The following WASF3 variants were observed in gnomAD, a reference collection of about 807,000 sequenced individuals.
WASF3 encodes the protein WASP family member 3.
WASF3 carries 11 observed loss-of-function variants against 46.6 expected under a neutral mutation model. That is an observed-to-expected ratio of 0.24 (90% CI 0.15 to 0.39). The LOEUF is 0.39. WASF3 is among the 10% of genes least tolerant of loss of function. The pLI, the probability that WASF3 is intolerant of heterozygous loss-of-function variation, is 1.00. For missense variants in WASF3, 576 were observed against 669.8 expected (o/e 0.86, Z 1.55); for synonymous variants, 242 against 259.7 (o/e 0.93, Z 0.65).
At chr13:26,543,709 A>G in the WASF3 span, among the ~76,000 whole-genome samples, 1 of 152,162 alleles carries the variant, frequency 6.6e-6, no homozygotes, top group Non-Finnish European at 1.5e-5. Context: ...CATAAGTTCT[A>G]TGGAACCTGC....
chr13:26,576,631 A>G (rs1879805091), intron 1 of WASF3, among the ~76,000 whole-genome samples: 1 of 152,214 alleles, frequency 6.6e-6, no homozygotes, highest in South Asian at 2.1e-4. Context: ...AAAAAGGTCT[A>G]AGTCAGTGGT....
chr13:26,552,489 C>G, the WASF3 span, among the ~76,000 whole-genome samples: 1 of 152,084 alleles, frequency 6.6e-6, no homozygotes, highest in Non-Finnish European at 1.5e-5. Context: ...TTATTTCACT[C>G]TATGTCAAGA....
chr13:26,571,586 T>C (rs1879638856), intron 1 of WASF3, among the ~76,000 whole-genome samples: 1 of 152,200 alleles, frequency 6.6e-6, no homozygotes. Flanking sequence ...TCCATTCCAT[T>C]CTGTTGTTCT....
intron 1 of WASF3, among the ~76,000 whole-genome samples, chr13:26,583,828 C>T (rs747005014): frequency 4.3e-4 from 65 of 152,196 alleles, no homozygotes; most frequent in Non-Finnish European, 7.3e-4. Flanking sequence ...ATAGCTACAG[C>T]AGCGGCAGAT....
intron 3 of WASF3, among the ~76,000 whole-genome samples, chr13:26,663,846 A>G (rs956972616): frequency 2.6e-5 from 4 of 152,202 alleles, no homozygotes; most frequent in Non-Finnish European, 4.4e-5. Flanking sequence ...ATAAAAGCAG[A>G]GAACTAAAAG....
rs994489788 is a variant in WASF3, at chr13:26,682,692, A to G, written c.1069A>G (p.Thr357Ala). ...PPPPVIPSAQ[T>A]AFVSPLQMPM... Reference sequence around the variant, plus strand: ...TCCTCCTGTGATTCCCTCAGCACAAACTGCCTTCGTCAGCCCTCTCCAGAT... The same window carrying G: ...TCCTCCTGTGATTCCCTCAGCACAAGCTGCCTTCGTCAGCCCTCTCCAGAT... The change falls in exon 9 of 10, where the codon ACT (threonine) becomes GCT (alanine). Residue 357 changes from threonine (T) to alanine (A), a missense_variant. By Grantham distance (58) the Thr-to-Ala change is moderately conservative. This residue lies in a region of WASF3 where 295 missense variants were observed against 291.5 expected (regional missense o/e 1.01). Transcript: ENST00000335327. The surrounding 1 kb of genome is among the most constrained non-coding windows in gnomAD (Gnocchi z 4.4). 1.2e-6 allele frequency: 2 copies of G among 1,613,944 alleles called. No individual in the cohort carries two copies. Among genetic ancestry groups the G allele is most frequent in the Non-Finnish European group, 1.7e-6 (2 of 1,179,980 alleles).
chr13:26,539,631 G>A, the WASF3 span, among the ~76,000 whole-genome samples: 4 of 152,028 alleles, frequency 2.6e-5, no homozygotes, highest in Non-Finnish European at 4.4e-5. Context: ...ACTAACCACT[G>A]CTGTAGCCCC....
At chr13:26,638,920 A>G (rs1372449557) in intron 2 of WASF3, among the ~76,000 whole-genome samples, 1 of 152,200 alleles carries the variant, frequency 6.6e-6, no homozygotes, top group Non-Finnish European at 1.5e-5. Flanking sequence ...GTGGTTAAAA[A>G]GAGTCTGGCT....
At chr13:26,636,125 C>CATA (rs1881810567) in intron 2 of WASF3, among the ~76,000 whole-genome samples, 1 of 152,256 alleles carries the variant, frequency 6.6e-6, no homozygotes, top group South Asian at 2.1e-4. Flanking sequence ...GAGGTGGAGT[C>CATA]TATAGAGGCA....
At chr13:26,588,738 T>C (rs551829263) in intron 1 of WASF3, among the ~76,000 whole-genome samples, 1 of 152,304 alleles carries the variant, frequency 6.6e-6, no homozygotes, top group Admixed American at 6.5e-5. Context: ...ATATGTTTAA[T>C]CTTTGCTCAT....
the WASF3 span, among the ~76,000 whole-genome samples, chr13:26,545,546 TA>T: frequency 0.015 from 2,336 of 152,208 alleles, 23 homozygotes; most frequent in African/African-American, 0.023. Flanking sequence ...TTTCTAGATT[TA>T]AAAAAAATCT....
chr13:26,642,317 G>A lies in WASF3; in HGVS notation c.47G>A (p.Gly16Glu). 1 of 1,608,100 alleles carries A rather than the reference G, an allele frequency of 6.2e-7. No individual in the cohort carries two copies. Among genetic ancestry groups the A allele is most frequent in the Non-Finnish European group, 8.5e-7 (1 of 1,177,932 alleles). ...RNIEPRHLCR[G>E]ALPEGITSEL... is the part of the protein sequence containing the mutation. ...ATTGAGCCCCGGCACTTGTGCCGGG[G>A]AGCTCTGCCTGAAGGGATTACCAGC... The change falls in exon 3 of 10, where the codon GGA (glycine) becomes GAA (glutamate). Residue 16 changes from glycine (G) to glutamate (E), a missense_variant. This residue lies in a region of WASF3 where 213 missense variants were observed against 278.0 expected (regional missense o/e 0.77). Transcript: ENST00000335327.
In WASF3 at chr13:26,687,319, CTG is replaced by C. The variant is rs1253490752; in HGVS notation, c.*1475_*1476del. On this transcript the variant is annotated 3_prime_UTR_variant, in exon 10 of 10. Coordinates refer to ENST00000335327, the MANE Select transcript of WASF3 (RefSeq NM_006646.6). ...GTTACTCAGTTATGTTGAGAAGAAT[CTG>C]GAGCTAAAAGCAGAGATGTTTGAGG... 1 of 152,244 alleles carries C rather than the reference CTG, an allele frequency of 6.6e-6. No homozygotes were observed. Among genetic ancestry groups the C allele is most frequent in the Non-Finnish European group, 1.5e-5 (1 of 68,058 alleles). 9.4% of individuals were successfully genotyped at this position (152,244 alleles called of 1,614,324 possible).
chr13:26,543,655 G>A, the WASF3 span, among the ~76,000 whole-genome samples: 1 of 152,142 alleles, frequency 6.6e-6, no homozygotes, highest in African/African-American at 2.4e-5. Context: ...TGCCTTCACA[G>A]GGTGTAGAGA....
chr13:26,565,607 C>T (rs1879440453), intron 1 of WASF3, among the ~76,000 whole-genome samples: 4 of 152,154 alleles, frequency 2.6e-5, no homozygotes, highest in Admixed American at 2.0e-4. Flanking sequence ...ATCAGAAACC[C>T]AGAAATACAC....
At chr13:26,625,549 G>C (rs1881440309) in intron 2 of WASF3, among the ~76,000 whole-genome samples, 1 of 152,150 alleles carries the variant, frequency 6.6e-6, no homozygotes, top group South Asian at 2.1e-4. Context: ...GAGAGAGAGA[G>C]AGAGAAAATT....
chr13:26,675,884 G>A (rs1037403340), intron 6 of WASF3, among the ~76,000 whole-genome samples: 4 of 152,122 alleles, frequency 2.6e-5, no homozygotes, highest in Admixed American at 2.6e-4. Context: ...ATAAAATTTT[G>A]TATAGGAGGC....
chr13:26,611,161 C>T (rs1007116554), intron 1 of WASF3, among the ~76,000 whole-genome samples: 7 of 151,480 alleles, frequency 4.6e-5, no homozygotes, highest in Admixed American at 2.6e-4. Context: ...TGAGCCACAC[C>T]GTGCCTGGCA....
chr13:26,669,109 G>T (rs1369866696), intron 5 of WASF3, among the ~76,000 whole-genome samples: 1 of 151,002 alleles, frequency 6.6e-6, no homozygotes. Flanking sequence ...GTGATTTATA[G>T]TTGTAGTGAT....
Sources: allele counts gnomAD v4.1 joint callset (sites outside exome capture counted in the v4.1 genomes callset), GRCh38; gene constraint gnomAD v4.1.1; regional missense constraint gnomAD v4.1.1; non-coding constraint Gnocchi (gnomAD v3.1); transcripts MANE v1.5; gene names NCBI Gene and HGNC (gene_info 2026-07-23, HGNC 2026-07-21).